The following LPP variants were observed in gnomAD, a reference collection of about 807,000 sequenced individuals.
The protein encoded by LPP is lipoma-preferred partner.
A neutral mutation model predicts 60.4 loss-of-function variants in LPP; 38 were observed. That is an observed-to-expected ratio of 0.63 (90% CI 0.49 to 0.83). LPP has a LOEUF of 0.83. Among genes scored for constraint, LPP ranks in the 40% least tolerant of loss-of-function variants. The pLI is 0.00. For synonymous variants in LPP, 328 were observed against 290.8 expected, an observed-to-expected ratio of 1.13 and a Z score of -1.30; for missense variants, 902 against 783.6, an observed-to-expected ratio of 1.15 and a Z score of -1.80.
intron 6 of LPP, among the ~76,000 whole-genome samples, chr3:188,545,908 T>A (rs1417218839): frequency 1.3e-5 from 2 of 152,094 alleles, no homozygotes; most frequent in Non-Finnish European, 2.9e-5. Context: ...TCCAGACAAG[T>A]TTGTGGGCAA....
intron 8 of LPP, among the ~76,000 whole-genome samples, chr3:188,749,750 A>C (rs1727474827): frequency 6.6e-6 from 1 of 152,212 alleles, no homozygotes; most frequent in Non-Finnish European, 1.5e-5. Context: ...GAATATAGAA[A>C]TTATGAAGTT....
intron 1 of LPP, among the ~76,000 whole-genome samples, chr3:188,224,149 G>A (rs1716846707): frequency 6.6e-6 from 1 of 152,128 alleles, no homozygotes; most frequent in African/African-American, 2.4e-5. Flanking sequence ...GTCAAAGCAA[G>A]CAGTCACTTG....
chr3:188,272,798 C>T (rs1485039589), intron 2 of LPP, among the ~76,000 whole-genome samples: 1 of 152,142 alleles, frequency 6.6e-6, no homozygotes, highest in Non-Finnish European at 1.5e-5. Context: ...ACAGGAAAGA[C>T]CATTATATAA....
intron 6 of LPP, among the ~76,000 whole-genome samples, chr3:188,570,938 T>C (rs1833397235): frequency 6.6e-6 from 1 of 152,132 alleles, no homozygotes. Context: ...ATGAAATAGC[T>C]ACTGTATATA....
At chr3:188,713,450 A>T (rs1225510800) in intron 8 of LPP, among the ~76,000 whole-genome samples, 1 of 149,882 alleles carries the variant, frequency 6.7e-6, no homozygotes, top group Non-Finnish European at 1.5e-5. Flanking sequence ...TATCAATGAT[A>T]TATTAGATAA....
At chr3:188,226,285 AG>A (rs1717735954) in intron 2 of LPP, among the ~76,000 whole-genome samples, 1 of 152,142 alleles carries the variant, frequency 6.6e-6, no homozygotes, top group South Asian at 2.1e-4. Flanking sequence ...CTGGGATTAT[AG>A]GTGTGAGCCA....
At chr3:188,602,441 G>A (rs189772707) in intron 6 of LPP, among the ~76,000 whole-genome samples, 2 of 151,620 alleles carry the variant, frequency 1.3e-5, no homozygotes, top group African/African-American at 4.8e-5. Context: ...ACTGAAATAG[G>A]TTAGCTGTGT....
intron 9 of LPP, among the ~76,000 whole-genome samples, chr3:188,854,474 A>G (rs148357895): frequency 2.0e-5 from 3 of 152,298 alleles, no homozygotes; most frequent in Non-Finnish European, 4.4e-5. Context: ...CACAGCCATG[A>G]TGTTGGCATG....
At chr3:188,690,780 G>T (rs1025974142) in intron 7 of LPP, among the ~76,000 whole-genome samples, 1 of 152,094 alleles carries the variant, frequency 6.6e-6, no homozygotes, top group South Asian at 2.1e-4. Context: ...CTTGAGTCTT[G>T]CCCTACCTGT....
chr3:188,792,118 G>A (rs1743966732), intron 9 of LPP, among the ~76,000 whole-genome samples: 1 of 152,092 alleles, frequency 6.6e-6, no homozygotes, highest in Non-Finnish European at 1.5e-5. Context: ...TGTTCTCTCA[G>A]CCCAAGCACC....
chr3:188,754,031 G>T (rs1729270008), intron 8 of LPP, among the ~76,000 whole-genome samples: 1 of 152,192 alleles, frequency 6.6e-6, no homozygotes, highest in Non-Finnish European at 1.5e-5. Context: ...ATTATGTAAA[G>T]ACAGAGTCCC....
chr3:188,621,811 C>A (rs1845857211), intron 7 of LPP, among the ~76,000 whole-genome samples: 1 of 152,152 alleles, frequency 6.6e-6, no homozygotes, highest in South Asian at 2.1e-4. Context: ...AGGCATGCAC[C>A]ACCACGCCCA....
intron 9 of LPP, among the ~76,000 whole-genome samples, chr3:188,850,374 T>C (rs1015351275): frequency 9.9e-5 from 15 of 152,160 alleles, no homozygotes; most frequent in African/African-American, 3.6e-4. Context: ...GCTCTTGAAA[T>C]TTATCTGACC....
intron 5 of LPP, among the ~76,000 whole-genome samples, chr3:188,485,218 C>T (rs139522503): frequency 0.012 from 1,752 of 152,236 alleles, 18 homozygotes; most frequent in Non-Finnish European, 0.019. Flanking sequence ...GCACATCATA[C>T]TTATCAATTA....
intron 1 of LPP, among the ~76,000 whole-genome samples, chr3:188,222,043 T>C (rs750613583): frequency 2.6e-5 from 4 of 152,188 alleles, no homozygotes; most frequent in South Asian, 2.1e-4. Flanking sequence ...CAGTGTTCAA[T>C]TGGGAAATTT....
intron 6 of LPP, among the ~76,000 whole-genome samples, chr3:188,549,396 G>GTGTT (rs112386993): frequency 6.6e-5 from 10 of 151,502 alleles, no homozygotes; most frequent in Admixed American, 2.6e-4. Flanking sequence ...TCTATTTTGT[G>GTGTT]TGTTTGTTTG....
intron 8 of LPP, among the ~76,000 whole-genome samples, chr3:188,741,913 G>A (rs1054288705): frequency 1.3e-5 from 2 of 151,916 alleles, no homozygotes; most frequent in African/African-American, 2.4e-5. Context: ...TTTTATGCCA[G>A]AATATAGAAA....
At chr3:188,633,803 TTGAC>T (rs912266540) in intron 7 of LPP, among the ~76,000 whole-genome samples, 1 of 152,240 alleles carries the variant, frequency 6.6e-6, no homozygotes, top group Non-Finnish European at 1.5e-5. Context: ...AGTTCCATCT[TTGAC>T]TGATGCCTCT....
chr3:188,479,518 G>A (rs531570760), intron 4 of LPP, among the ~76,000 whole-genome samples: 30 of 152,160 alleles, frequency 2.0e-4, no homozygotes, highest in Non-Finnish European at 3.8e-4. Context: ...ATCAGTTAAG[G>A]AATTGAATGG....
Sources: allele counts gnomAD v4.1 joint callset (sites outside exome capture counted in the v4.1 genomes callset), GRCh38; gene constraint gnomAD v4.1.1; transcripts MANE v1.5; gene names NCBI Gene and HGNC (gene_info 2026-07-23, HGNC 2026-07-21).